FN1: variants seen among roughly 807,000 people sequenced by gnomAD.
The protein encoded by FN1 is fibronectin.
In FN1, 106 loss-of-function variants were observed where a neutral mutation model predicts 297.3. The ratio of observed to expected loss-of-function variants is 0.36; its 90% confidence interval spans 0.30 to 0.42. FN1 has a LOEUF of 0.42. Ranked by LOEUF, FN1 falls within the 10% of genes least tolerant of loss-of-function variation. The pLI is 1.00. For missense variants in FN1, 2,690 were observed against 3,124.9 expected, an observed-to-expected ratio of 0.86 and a Z score of 3.32; for synonymous variants, 1,149 against 1,152.6, an observed-to-expected ratio of 1.00 and a Z score of 0.06.
Position 215,424,148 on chromosome 2 carries a change from G to C in FN1, c.1214C>G (p.Thr405Ser). The change falls in exon 8 of 46, where the codon ACT becomes AGT. Residue 405 changes from threonine (T) to serine (S), a missense_variant and splice_region_variant. Around this residue, in one of 3 missense-constraint regions of FN1, gnomAD observed 876 missense variants for 1,058.1 expected, o/e 0.83. Coordinates refer to ENST00000354785, the MANE Select transcript of FN1 (RefSeq NM_212482.4). Reference sequence around the variant, plus strand: ...TGGCTCCCCCTTGGGACACTCACCAGTGTGGTCTGTGCAGAAAGAGTATTT... The same window carrying C: ...TGGCTCCCCCTTGGGACACTCACCACTGTGGTCTGTGCAGAAAGAGTATTT... ...DQKYSFCTDH[T>S]VLVQTRGGNS... 1 of 1,614,060 alleles carries C rather than the reference G, an allele frequency of 6.2e-7. No homozygotes were observed. Among genetic ancestry groups the C allele is most frequent in the Non-Finnish European group, 8.5e-7 (1 of 1,179,928 alleles).
At chr2:215,413,636 CAA>C (rs1344303171) in intron 13 of FN1, among the ~76,000 whole-genome samples, 1 of 152,160 alleles carries the variant, frequency 6.6e-6, no homozygotes, top group African/African-American at 2.4e-5. Context: ...TGTTGCATTG[CAA>C]AGTTTTCCAC....
At chr2:215,377,333 A>C (rs1167763062) in intron 35 of FN1, among the ~76,000 whole-genome samples, 2 of 152,178 alleles carry the variant, frequency 1.3e-5, no homozygotes, top group Non-Finnish European at 2.9e-5. Context: ...GTTGAGTTGT[A>C]ATCTCCAATG....
In FN1 at chr2:215,378,059, C is replaced by T. The variant is rs1345835321; in HGVS notation, c.5710+116G>A. ...CTGGCCTCAAGTGACGCTCCCGCCT[C>T]AGCTTCCCAAAGTGCTTGGATTTTA... On this transcript the variant is annotated intron_variant, in intron 35 of 45. Coordinates refer to ENST00000354785, the MANE Select transcript of FN1 (RefSeq NM_212482.4). 5.3e-6 allele frequency: 4 copies of T among 755,640 alleles called. No individual in the cohort carries two copies. In the South Asian group the frequency reaches 5.6e-5, roughly 11 times the overall value. 46.8% of individuals were successfully genotyped at this position (755,640 alleles called of 1,614,324 possible). A position where few individuals can be genotyped will look rare whatever the true frequency, so the allele number is the denominator to read the frequency against.
At chr2:215,383,604 T>G in intron 30 of FN1, 121 bp from the exon 31 acceptor site, 2 of 1,062,158 alleles carry the variant, frequency 1.9e-6, no homozygotes, top group Non-Finnish European at 2.9e-6. Context: ...AAGGTATTTC[T>G]TCTCGAAAGA....
intron 5 of FN1, 97 bp downstream of exon 5, chr2:215,430,618 A>G: frequency 7.1e-7 from 1 of 1,398,858 alleles, no homozygotes; most frequent in Middle Eastern, 2.0e-4. Flanking sequence ...ATGCTGATAT[A>G]CTGGATGTGT....
chr2:215,393,155 C>A lies in FN1; in HGVS notation c.3845G>T (p.Ser1282Ile), dbSNP rs1224864771. Residue 1282 changes from serine to isoleucine, a missense_variant, in exon 25 of 46, where the codon AGC becomes ATC. By Grantham distance (142) the Ser-to-Ile change is moderately radical. Coordinates refer to ENST00000354785, the MANE Select transcript of FN1 (RefSeq NM_212482.4). ...TAGCGGGGTCCACCTCAGGCCGATGCTTGAATCGGTTATATCAACAAAGCT... is the reference window on the plus strand; with the variant it reads ...TAGCGGGGTCCACCTCAGGCCGATGATTGAATCGGTTATATCAACAAAGCT... The part of the protein sequence containing the change: ...DLSFVDITDS[S>I]IGLRWTPLNS... The A allele has an allele frequency of 6.2e-7, 1 of 1,613,932 alleles. No individual in the cohort carries two copies. Among genetic ancestry groups the A allele is most frequent in the Admixed American group, 1.7e-5 (1 of 59,996 alleles).
Position 215,400,751 on chromosome 2 carries a change from C to CAAA in FN1, c.3254-1403_3254-1401dup, listed in dbSNP as rs1175226865. On this transcript the variant is annotated intron_variant, in intron 20 of 45. Coordinates refer to ENST00000354785, the MANE Select transcript of FN1 (RefSeq NM_212482.4). ...AGGGTGAGAGAGCAAGGCTCCATCT[C>CAAA]AAAAAAAAAAAAAAAAAAAAAAAAG... 6.8e-3 allele frequency among the ~76,000 whole-genome samples: 381 copies of CAAA among 56,010 alleles called. 3 individuals carry two copies. Among genetic ancestry groups the CAAA allele is most frequent in the South Asian group, 0.011 (10 of 870 alleles). 36.7% of individuals were successfully genotyped at this position (56,010 alleles called of 152,430 possible).
chr2:215,434,468 GT>G (rs1289926642), intron 2 of FN1, among the ~76,000 whole-genome samples: 1 of 152,092 alleles, frequency 6.6e-6, no homozygotes, highest in Non-Finnish European at 1.5e-5. Context: ...CTTTGGGAGA[GT>G]AAAGCAAAAA....
chr2:215,392,855 C>A, intron 25 of FN1, 76 bp downstream of exon 25: 1 of 1,528,868 alleles, frequency 6.5e-7, no homozygotes, highest in Admixed American at 1.7e-5. Flanking sequence ...CATGAAACAT[C>A]CATATTTAAC....
chr2:215,399,273 G>A lies in FN1; in HGVS notation c.3332C>T (p.Pro1111Leu). 2 of 1,613,186 alleles carry A rather than the reference G, an allele frequency of 1.2e-6. No homozygotes were observed. Among genetic ancestry groups the A allele is most frequent in the Non-Finnish European group, 1.7e-6 (2 of 1,179,220 alleles). ...TTIVITWTPA[P>L]RIGFKLGVRP... ...GCAGTTTACCTTAAAACCAATTCTT[G>A]GAGCAGGCGTCCATGTGATCACAAT... Residue 1111 changes from proline (P) to leucine (L), a missense_variant, in exon 21 of 46, where the codon CCA (proline) becomes CTA (leucine). Coordinates refer to ENST00000354785, the MANE Select transcript of FN1 (RefSeq NM_212482.4).
intron 10 of FN1, 144 bp downstream of exon 10, chr2:215,421,947 T>C: frequency 1.2e-6 from 1 of 823,534 alleles, no homozygotes; most frequent in Non-Finnish European, 2.0e-6. Flanking sequence ...CAGGCTTATC[T>C]TACCATGCAC....
At position 215,372,314 on chromosome 2, in the gene FN1, A is replaced by C; in HGVS notation, c.6309T>G (p.Asp2103Glu). The C allele has an allele frequency of 6.2e-7, 1 of 1,614,246 alleles. No homozygotes were observed. Among genetic ancestry groups the C allele is most frequent in the Non-Finnish European group, 8.5e-7 (1 of 1,180,050 alleles). Residue 2103 changes from aspartate (D) to glutamate (E), a missense_variant, in exon 40 of 46, where the codon GAT (aspartate) becomes GAG (glutamate). Asp to Glu is a conservative substitution (Grantham distance 45, BLOSUM62 2). Coordinates refer to ENST00000354785, the MANE Select transcript of FN1 (RefSeq NM_212482.4). ...HPNLHGPEIL[D>E]VPSTVQKTPF... Reference sequence around the variant, plus strand: ...GGGTCTTTTGAACTGTGGAAGGAACATCCAAGATCTCTGGTCCATGAAGAT... The same window carrying C: ...GGGTCTTTTGAACTGTGGAAGGAACCTCCAAGATCTCTGGTCCATGAAGAT...
intron 12 of FN1, among the ~76,000 whole-genome samples, chr2:215,418,723 C>T (rs920526921): frequency 6.6e-6 from 1 of 152,134 alleles, no homozygotes; most frequent in Non-Finnish European, 1.5e-5. Context: ...AGAGAGTTGA[C>T]CAAGTTACTC....
intron 13 of FN1, 138 bp downstream of exon 13, chr2:215,414,699 G>A: frequency 6.9e-7 from 1 of 1,450,720 alleles, no homozygotes; most frequent in Non-Finnish European, 9.1e-7. Flanking sequence ...CATATTGTTT[G>A]TTCACTAAAC....
chr2:215,384,762 CAA>C, intron 29 of FN1, 96 bp downstream of exon 29: 1 of 878,914 alleles, frequency 1.1e-6, no homozygotes, highest in Admixed American at 1.8e-5. Flanking sequence ...ATGGACTTGC[CAA>C]AGTTTCTTTA....
At chr2:215,365,666 T>A (rs368703987) in intron 42 of FN1, 36 bp from the exon 43 acceptor site, 1 of 1,611,250 alleles carries the variant, frequency 6.2e-7, no homozygotes, top group Non-Finnish European at 8.5e-7. Flanking sequence ...CAAAAAGTTA[T>A]TTGTATATTC....
chr2:215,409,620 A>C lies in FN1; in HGVS notation c.2242T>G (p.Ser748Ala). The change falls in exon 15 of 46, where the codon TCG (serine) becomes GCG (alanine). Residue 748 changes from serine to alanine, a missense_variant. Physicochemically the swap from Ser to Ala is moderately conservative, Grantham distance 99. Transcript: ENST00000354785. ...VSWVSASDTV[S>A]GFRVEYELSE... is the part of the protein sequence containing the mutation. ...AGCTCATATTCCACCCGGAATCCCG[A>C]CACGGTGTCGGAAGCTGAGACCCAG... 6.2e-7 allele frequency: 1 copy of C among 1,614,022 alleles called. No individual in the cohort carries two copies. Among genetic ancestry groups the C allele is most frequent in the Non-Finnish European group, 8.5e-7 (1 of 1,180,004 alleles).
rs761729774 is a variant in FN1, at chr2:215,422,201, C to A, written c.1436G>T (p.Arg479Leu). Residue 479 changes from arginine (R) to leucine (L), a missense_variant, in exon 10 of 46, where the codon CGC (arginine) becomes CTC (leucine). Physicochemically the swap from Arg to Leu is moderately radical, Grantham distance 102. Coordinates refer to ENST00000354785, the MANE Select transcript of FN1 (RefSeq NM_212482.4). ...ICTTNEGVMY[R>L]IGDQWDKQHD... is the part of the protein sequence containing the mutation. Reference sequence around the variant, plus strand: ...CTGCTTATCCCACTGATCTCCAATGCGGTACATGACCCCTTCATTGGTTGT... The same window carrying A: ...CTGCTTATCCCACTGATCTCCAATGAGGTACATGACCCCTTCATTGGTTGT... The A allele has an allele frequency of 1.4e-5, 22 of 1,613,716 alleles. No individual in the cohort carries two copies. The Admixed American group carries it at 2.2e-4, about 16-fold the overall frequency.
rs376613981 is a variant in FN1, at chr2:215,409,926, G to A, written c.2122+8C>T. On this transcript the variant is annotated splice_region_variant and intron_variant, in intron 14 of 45. Coordinates refer to ENST00000354785, the MANE Select transcript of FN1 (RefSeq NM_212482.4). ...GGGTAGGAGGCATGAGGGTGGTTGT[G>A]TACATACTGGTCACAGGTGTGCTGG... The A allele has an allele frequency of 3.1e-6, 5 of 1,613,600 alleles. No homozygotes were observed. Among genetic ancestry groups the A allele is most frequent in the African/African-American group, 2.7e-5 (2 of 74,884 alleles).
Sources: gnomAD v4.1 joint callset for allele counts (sites outside exome capture counted in the v4.1 genomes callset) on GRCh38, gnomAD v4.1.1 for gene constraint, gnomAD v4.1.1 regional missense constraint, MANE v1.5 for transcripts, NCBI Gene and HGNC (gene_info 2026-07-23, HGNC 2026-07-21) for gene names.